The following TRPM3 variants were observed in gnomAD, a reference collection of about 807,000 sequenced individuals.
TRPM3 encodes the protein long transient receptor potential channel 3.
A neutral mutation model predicts 181.2 loss-of-function variants in TRPM3; 77 were observed. The observed-to-expected ratio is 0.42, with a 90% CI of 0.35 to 0.51. TRPM3 has a LOEUF of 0.51. TRPM3 is among the 20% of genes least tolerant of loss of function. The pLI is 0.01. For missense variants in TRPM3, 1,759 were observed against 2,196.7 expected (o/e 0.80, Z 3.98); for synonymous variants, 745 against 796.4 (o/e 0.94, Z 1.09).
intron 22 of TRPM3, among the ~76,000 whole-genome samples, chr9:70,580,925 C>G (rs1478076324): frequency 6.6e-6 from 1 of 152,186 alleles, no homozygotes; most frequent in Admixed American, 6.5e-5. Context: ...CAGCAACTTC[C>G]TTCAAAACTG....
intron 1 of TRPM3, among the ~76,000 whole-genome samples, chr9:70,916,427 C>A (rs544196811): frequency 6.6e-6 from 1 of 152,094 alleles, no homozygotes; most frequent in Non-Finnish European, 1.5e-5. Context: ...ATAATAACTA[C>A]AACAACTTTT....
chr9:70,546,954 C>A (rs1333779454), intron 25 of TRPM3, among the ~76,000 whole-genome samples: 1 of 152,228 alleles, frequency 6.6e-6, no homozygotes, highest in African/African-American at 2.4e-5. Context: ...CACTGTGATG[C>A]AAAAGTGTGA....
chr9:70,997,822 G>C (rs1002023300), intron 1 of TRPM3, among the ~76,000 whole-genome samples: 3 of 151,988 alleles, frequency 2.0e-5, no homozygotes, highest in African/African-American at 7.3e-5. Context: ...GTTTGGGAGG[G>C]TGAACTGTTG....
chr9:70,798,636 A>T (rs1196972337), intron 6 of TRPM3, among the ~76,000 whole-genome samples: 1 of 152,240 alleles, frequency 6.6e-6, no homozygotes, highest in Non-Finnish European at 1.5e-5. Context: ...CACACTCAAA[A>T]GGTAGTTTAA....
chr9:70,758,427 T>G (rs574404796), intron 8 of TRPM3, among the ~76,000 whole-genome samples: 187 of 152,356 alleles, frequency 1.2e-3, no homozygotes, highest in Non-Finnish European at 2.4e-3. Flanking sequence ...ATAGATTTAA[T>G]GCTATCCCCA....
At chr9:71,170,197 G>A (rs2134791895) in intron 1 of TRPM3, among the ~76,000 whole-genome samples, 1 of 152,086 alleles carries the variant, frequency 6.6e-6, no homozygotes, top group East Asian at 1.9e-4. Flanking sequence ...ATGACTCAGG[G>A]GGAGAAAGTA....
intron 18 of TRPM3, among the ~76,000 whole-genome samples, chr9:70,612,665 T>C (rs1436076948): frequency 3.9e-5 from 6 of 152,200 alleles, no homozygotes; most frequent in East Asian, 3.8e-4. Flanking sequence ...CTAAGACTTA[T>C]TGAAGTGTGT....
intron 1 of TRPM3, among the ~76,000 whole-genome samples, chr9:71,135,407 T>C (rs959303233): frequency 6.6e-6 from 1 of 152,174 alleles, no homozygotes; most frequent in Non-Finnish European, 1.5e-5. Flanking sequence ...TACCCAAAAG[T>C]AGCAATGTGA....
intron 15 of TRPM3, 139 bp downstream of exon 15, chr9:70,621,101 GTATA>G (rs370008022): frequency 1.4e-5 from 3 of 207,442 alleles, no homozygotes; most frequent in Admixed American, 6.5e-5. Flanking sequence ...TATATTTATA[GTATA>G]TATATATTAT....
At chr9:71,157,243 T>C (rs1417811926) in intron 1 of TRPM3, among the ~76,000 whole-genome samples, 1 of 152,108 alleles carries the variant, frequency 6.6e-6, no homozygotes, top group Non-Finnish European at 1.5e-5. Context: ...TAACAAATGT[T>C]ACAGTTCTGA....
At position 71,121,541 on chromosome 9, in the gene TRPM3, A is replaced by T; in HGVS notation, c.-187T>A. On this transcript the variant is annotated 5_prime_UTR_variant, in exon 1 of 26. Coordinates refer to ENST00000677713, the MANE Select transcript of TRPM3 (RefSeq NM_001366145.2). ...AGGCACACTGCCTGCTGCTTCGGGGAGGGGATGCACGATTTTGAAGAAGAG... is the reference window on the plus strand; with the variant it reads ...AGGCACACTGCCTGCTGCTTCGGGGTGGGGATGCACGATTTTGAAGAAGAG... The T allele has an allele frequency of 3.6e-6, 5 of 1,389,760 alleles. No individual in the cohort carries two copies. Among genetic ancestry groups the T allele is most frequent in the Non-Finnish European group, 3.7e-6 (4 of 1,074,862 alleles). 86.1% of individuals were successfully genotyped at this position (1,389,760 alleles called of 1,614,324 possible). A position where few individuals can be genotyped will look rare whatever the true frequency, so the allele number is the denominator to read the frequency against.
At chr9:71,100,972 T>C (rs897236087) in intron 1 of TRPM3, among the ~76,000 whole-genome samples, 2 of 152,142 alleles carry the variant, frequency 1.3e-5, no homozygotes, top group Non-Finnish European at 2.9e-5. Context: ...TCTTCCCAAA[T>C]CATGGTAGCA....
intron 6 of TRPM3, among the ~76,000 whole-genome samples, chr9:70,813,579 T>C (rs1185194439): frequency 2.0e-5 from 3 of 152,160 alleles, no homozygotes; most frequent in Admixed American, 1.3e-4. Flanking sequence ...GGTGATGGGA[T>C]CAATAGAAGC....
chr9:70,783,404 A>G (rs2082894301), intron 7 of TRPM3, among the ~76,000 whole-genome samples: 1 of 152,076 alleles, frequency 6.6e-6, no homozygotes. Context: ...TGATCTAATA[A>G]TCTGCAAGAG....
At chr9:71,424,706 T>A (rs998900814) in intron 1 of TRPM3, among the ~76,000 whole-genome samples, 9 of 152,174 alleles carry the variant, frequency 5.9e-5, no homozygotes, top group Non-Finnish European at 1.2e-4. Context: ...TCTCTCCCTG[T>A]AGATGGTATC....
chr9:70,537,868 C>T (rs1052219327), intron 25 of TRPM3, among the ~76,000 whole-genome samples: 1 of 152,130 alleles, frequency 6.6e-6, no homozygotes. Flanking sequence ...GGATTTTACC[C>T]AGAATTTTGC....
Position 70,553,291 on chromosome 9 carries a change from C to A in TRPM3, c.3243G>T (p.Glu1081Asp). ...DQIDPPCGQN[E>D]TREDGKIIQL... Reference sequence around the variant, plus strand: ...GGATTATTTTACCATCCTCTCGGGTCTCATTCTGTCCACAGGGAGCTGGAG... The same window carrying A: ...GGATTATTTTACCATCCTCTCGGGTATCATTCTGTCCACAGGGAGCTGGAG... Residue 1081 changes from glutamate (E) to aspartate (D), a missense_variant, in exon 23 of 26, where the codon GAG (glutamate) becomes GAT (aspartate). This residue lies in a region of TRPM3 where 94 missense variants were observed against 221.3 expected (regional missense o/e 0.42). Transcript: ENST00000677713. 1 of 1,614,092 alleles carries A rather than the reference C, an allele frequency of 6.2e-7. No homozygotes were observed. The highest frequency in any genetic ancestry group is 8.5e-7 in the Non-Finnish European group (1 of 1,180,018).
At chr9:70,867,556 G>T (rs1262794659) in intron 1 of TRPM3, among the ~76,000 whole-genome samples, 1 of 152,056 alleles carries the variant, frequency 6.6e-6, no homozygotes, top group Admixed American at 6.6e-5. Flanking sequence ...ATTATTAGCA[G>T]ATTAATCATC....
intron 1 of TRPM3, among the ~76,000 whole-genome samples, chr9:71,435,426 A>T (rs996210206): frequency 6.6e-6 from 1 of 152,178 alleles, no homozygotes. Context: ...AAACATTCAC[A>T]TACCCAAATT....
Sources: gnomAD v4.1 joint callset for allele counts (sites outside exome capture counted in the v4.1 genomes callset) on GRCh38, gnomAD v4.1.1 for gene constraint, gnomAD v4.1.1 regional missense constraint, MANE v1.5 for transcripts, NCBI Gene and HGNC (gene_info 2026-07-23, HGNC 2026-07-21) for gene names.